Variants in SGSM1 observed in about 807,000 individuals in gnomAD.
The protein encoded by SGSM1 is RUN and TBC1 domain containing 2.
In SGSM1, 73 loss-of-function variants were observed where a neutral mutation model predicts 133.8. That is an observed-to-expected ratio of 0.55 (90% confidence interval 0.45 to 0.66). The LOEUF (loss-of-function observed/expected upper bound fraction) is 0.66, where lower values mean the gene tolerates loss of function less well. Among genes scored for constraint, SGSM1 ranks in the 30% least tolerant of loss-of-function variants. The probability of loss-of-function intolerance (pLI) is 0.00; values close to 1 mark genes in which losing one functional copy is unlikely to be tolerated. For synonymous variants in SGSM1, 563 were observed against 573.0 expected, an observed-to-expected ratio of 0.98 and a Z score of 0.25; for missense variants, 1,213 against 1,448.1, an observed-to-expected ratio of 0.84 and a Z score of 2.64.
chr22:24,842,018 C>T (rs1402599679), intron 2 of SGSM1, among the ~76,000 whole-genome samples: 1 of 152,190 alleles, frequency 6.6e-6, no homozygotes, highest in Admixed American at 6.5e-5. Context: ...TCCCCCACCC[C>T]CAATGTCTCC....
At chr22:24,860,096 C>T (rs1931040180) in intron 9 of SGSM1, among the ~76,000 whole-genome samples, 1 of 152,158 alleles carries the variant, frequency 6.6e-6, no homozygotes. Flanking sequence ...CAAAACCATC[C>T]AGAGGGAGAC....
intron 12 of SGSM1, among the ~76,000 whole-genome samples, chr22:24,870,249 G>A (rs989059728): frequency 1.3e-5 from 2 of 152,322 alleles, no homozygotes; most frequent in Middle Eastern, 6.8e-3. Flanking sequence ...GCTGTTATGG[G>A]CCCCAAGGCT....
intron 9 of SGSM1, among the ~76,000 whole-genome samples, chr22:24,865,528 T>C (rs1931398087): frequency 6.6e-6 from 1 of 152,148 alleles, no homozygotes; most frequent in Admixed American, 6.6e-5. Flanking sequence ...ATCCCACTTT[T>C]CTCATTTCAC....
chr22:24,823,865 G>A (rs940336280), intron 2 of SGSM1, among the ~76,000 whole-genome samples: 20 of 152,002 alleles, frequency 1.3e-4, no homozygotes, highest in Admixed American at 1.2e-3. Context: ...AGCCATGATC[G>A]CGTCACTGTA....
intron 24 of SGSM1, among the ~76,000 whole-genome samples, chr22:24,922,450 G>A (rs1461915165): frequency 2.7e-5 from 4 of 148,454 alleles, no homozygotes; most frequent in Non-Finnish European, 5.9e-5. Flanking sequence ...AAAGATCTGG[G>A]ATTACAGGCA....
At chr22:24,894,139 C>T (rs1196264673) in intron 17 of SGSM1, among the ~76,000 whole-genome samples, 1 of 152,302 alleles carries the variant, frequency 6.6e-6, no homozygotes, top group East Asian at 1.9e-4. Flanking sequence ...GGTGGTGGCT[C>T]ACGCCTGTAA....
rs1192867264 is a variant in SGSM1 at position 24,884,175 on chromosome 22, G to A, written c.1618G>A (p.Glu540Lys). 1.2e-6 allele frequency: 2 copies of A among 1,613,832 alleles called. No homozygotes were observed. Among genetic ancestry groups the A allele is most frequent in the Non-Finnish European group, 1.7e-6 (2 of 1,179,864 alleles). ...ACAGGGACTGACAGCCAGGATCTGG[G>A]AGCAGTACCTTCACGACAGCACAGT... is the stretch of plus-strand genomic sequence containing the variant. ...AGQGLTARIW[E>K]QYLHDSTSYE... The change falls in exon 15 of 25, where the codon GAG (glutamate) becomes AAG (lysine). Residue 540 changes from glutamate to lysine, a missense_variant. Transcript: ENST00000400358.
At chr22:24,835,651 A>G (rs1929380903) in intron 2 of SGSM1, among the ~76,000 whole-genome samples, 1 of 152,116 alleles carries the variant, frequency 6.6e-6, no homozygotes, top group Non-Finnish European at 1.5e-5. Flanking sequence ...CTGGGAAAAG[A>G]GCATTCCAGG....
Position 24,885,039 on chromosome 22 carries a change from T to C in SGSM1, c.1641+841T>C, listed in dbSNP as rs564228215. 2.3e-4 allele frequency among the ~76,000 whole-genome samples: 35 copies of C among 152,088 alleles called. No individual in the cohort carries two copies. In the South Asian group the frequency reaches 7.3e-3, roughly 32 times the overall value. On this transcript the variant is annotated intron_variant, in intron 15 of 24. Coordinates refer to ENST00000400358, the MANE Select transcript of SGSM1 (RefSeq NM_001098497.3). ...ATCTAGGCTCACTGCAACCTCCGCCTCCTGGGTTCAAGCAATTCTCCTGCC... is the reference window on the plus strand; with the variant it reads ...ATCTAGGCTCACTGCAACCTCCGCCCCCTGGGTTCAAGCAATTCTCCTGCC...
intron 12 of SGSM1, among the ~76,000 whole-genome samples, chr22:24,875,497 C>T (rs1931982868): frequency 6.6e-6 from 1 of 152,046 alleles, no homozygotes; most frequent in Non-Finnish European, 1.5e-5. Context: ...TATTTACTAG[C>T]TGTCCCTTTA....
At chr22:24,881,641 G>T (rs1346945528) in intron 14 of SGSM1, among the ~76,000 whole-genome samples, 1 of 152,190 alleles carries the variant, frequency 6.6e-6, no homozygotes, top group Non-Finnish European at 1.5e-5. Context: ...TCTGGGAACA[G>T]TTCCTTGCCA....
At chr22:24,850,496 T>G (rs1930394365) in intron 5 of SGSM1, 64 bp downstream of exon 5, 16 of 1,588,318 alleles carry the variant, frequency 1.0e-5, no homozygotes, top group Admixed American at 1.7e-5. Flanking sequence ...TTGTGGAAAT[T>G]GCACCCCCTG....
chr22:24,868,434 C>T lies in SGSM1; in HGVS notation c.1053C>T (p.Phe351=). The part of the protein sequence containing the change: ...VSQDGIQRPP[F]RFPKGGHLLQ... The stretch of plus-strand genomic sequence containing the variant: ...AGGACGGGATCCAGAGGCCGCCCTT[C>T]CGCTTCCCCAAGGGCGGGCACCTCC... Residue 351 remains phenylalanine (F), a synonymous_variant, in exon 11 of 25, where the codon TTC becomes TTT. Transcript: ENST00000400358. 1 of 1,613,916 alleles carries T rather than the reference C, an allele frequency of 6.2e-7. No individual in the cohort carries two copies. The highest frequency in any genetic ancestry group is 8.5e-7 in the Non-Finnish European group (1 of 1,179,860).
At position 24,886,742 on chromosome 22, in the gene SGSM1, C is replaced by T; in HGVS notation, c.1770+14C>T. On this transcript the variant is annotated intron_variant, in intron 16 of 24. Transcript: ENST00000400358. ...GAAAGGAAAGAGGTCGGTTACCTGC[C>T]ATGGGCACTGGGATCTTTGGCAACA... 1 of 1,577,160 alleles carries T rather than the reference C, an allele frequency of 6.3e-7. No individual in the cohort carries two copies. The highest frequency in any genetic ancestry group is 1.2e-5 in the South Asian group (1 of 85,744).
In SGSM1 at chr22:24,855,310, C is replaced by G; in HGVS notation, c.549C>G (p.Thr183=). The G allele has an allele frequency of 6.2e-7, 1 of 1,612,274 alleles. No individual in the cohort carries two copies. Among genetic ancestry groups the G allele is most frequent in the Non-Finnish European group, 8.5e-7 (1 of 1,179,200 alleles). ...TGGGGCCCTGTGCCCTAGAGTACAC[C>G]AAGATGAAGACTGCAGATCACTTCT... ...LLVGPCALEY[T]KMKTADHFWT... The change falls in exon 7 of 25, where the codon ACC becomes ACG. Residue 183 remains threonine, a synonymous_variant. Coordinates refer to ENST00000400358, the MANE Select transcript of SGSM1 (RefSeq NM_001098497.3).
intron 16 of SGSM1, among the ~76,000 whole-genome samples, chr22:24,890,245 C>T (rs531817009): frequency 1.3e-4 from 20 of 152,356 alleles, no homozygotes; most frequent in East Asian, 1.2e-3. Flanking sequence ...CATGAGCCAC[C>T]ACGCCCGGAC....
intron 2 of SGSM1, among the ~76,000 whole-genome samples, chr22:24,834,594 A>G (rs1422417849): frequency 1.3e-5 from 2 of 152,150 alleles, no homozygotes; most frequent in Non-Finnish European, 2.9e-5. Flanking sequence ...TGATTTTCTC[A>G]CAGCTCTGGA....
At chr22:24,853,938 G>A (rs1000737464) in intron 5 of SGSM1, among the ~76,000 whole-genome samples, 18 of 149,670 alleles carry the variant, frequency 1.2e-4, no homozygotes, top group Admixed American at 2.7e-4. Context: ...CTTACATGGC[G>A]GCGGCAAGAG....
intron 16 of SGSM1, among the ~76,000 whole-genome samples, chr22:24,887,953 T>G (rs929404195): frequency 6.6e-6 from 1 of 152,256 alleles, no homozygotes; most frequent in African/African-American, 2.4e-5. Flanking sequence ...GCTAATGAAG[T>G]TGAAGGTCTT....
Sources: allele counts gnomAD v4.1 joint callset (sites outside exome capture counted in the v4.1 genomes callset), GRCh38; gene constraint gnomAD v4.1.1; transcripts MANE v1.5; gene names NCBI Gene and HGNC (gene_info 2026-07-23, HGNC 2026-07-21).